STK32B: variants seen among roughly 807,000 people sequenced by gnomAD.
STK32B encodes the protein serine/threonine-protein kinase 32B.
Under a neutral mutation model 52.6 loss-of-function variants are expected in STK32B, and 43 were observed. That is an observed-to-expected ratio of 0.82 (90% confidence interval 0.64 to 1.05). STK32B has a LOEUF of 1.05. Among genes scored for constraint, STK32B ranks in the 50% least tolerant of loss-of-function variants. STK32B has a pLI of 0.00. For synonymous variants in STK32B, 238 were observed against 204.3 expected (o/e 1.17, Z -1.41); for missense variants, 621 against 534.6 (o/e 1.16, Z -1.59).
At chr4:5,383,613 T>C (rs117138848) in intron 4 of STK32B, among the ~76,000 whole-genome samples, 1,649 of 152,250 alleles carry the variant, frequency 0.011, 30 homozygotes, top group East Asian at 0.083. Flanking sequence ...TACCCAGCCC[T>C]GCCACAGAGG....
intron 1 of STK32B, among the ~76,000 whole-genome samples, chr4:5,096,063 T>G (rs1713371716): frequency 6.6e-6 from 1 of 152,218 alleles, no homozygotes; most frequent in Non-Finnish European, 1.5e-5. Flanking sequence ...GTATTTTCTA[T>G]TAGAGAAATA....
At chr4:5,034,039 T>G in the STK32B span, among the ~76,000 whole-genome samples, 1 of 152,166 alleles carries the variant, frequency 6.6e-6, no homozygotes, top group African/African-American at 2.4e-5. Context: ...TAACGGACAC[T>G]TTACAAAAGA....
chr4:5,166,833 G>C (rs969092061), intron 2 of STK32B, among the ~76,000 whole-genome samples: 3 of 152,114 alleles, frequency 2.0e-5, no homozygotes, highest in Non-Finnish European at 4.4e-5. Context: ...GGGAAGATTA[G>C]CCCATACAAT....
At chr4:5,193,137 G>A (rs969630653) in intron 3 of STK32B, among the ~76,000 whole-genome samples, 3 of 152,100 alleles carry the variant, frequency 2.0e-5, no homozygotes, top group African/African-American at 7.2e-5. Context: ...GGGTGACGAG[G>A]TGATAGCTCC....
the STK32B span, among the ~76,000 whole-genome samples, chr4:5,043,299 T>C: frequency 6.6e-6 from 1 of 152,202 alleles, no homozygotes; most frequent in Non-Finnish European, 1.5e-5. Flanking sequence ...GGAAAATTTC[T>C]TTCTGTGGAT....
intron 3 of STK32B, among the ~76,000 whole-genome samples, chr4:5,184,917 G>A (rs1483016616): frequency 6.6e-6 from 1 of 152,212 alleles, no homozygotes; most frequent in African/African-American, 2.4e-5. Context: ...GTCAAGAGAA[G>A]CACAGGAAAA....
At chr4:5,438,213 C>T (rs1160111634) in intron 6 of STK32B, 2 of 842,944 alleles carry the variant, frequency 2.4e-6, no homozygotes, top group African/African-American at 1.8e-5. Flanking sequence ...AGAAGAGGAA[C>T]AGGCACACAC....
Position 5,051,721 on chromosome 4 carries a change from G to C in STK32B, c.-143G>C, listed in dbSNP as rs1465770339. On this transcript the variant is annotated 5_prime_UTR_variant, in exon 1 of 12. Coordinates refer to ENST00000282908, the MANE Select transcript of STK32B (RefSeq NM_018401.3). ...GGGGACGCCGTCCCCGCCCCTGCACGGTGCTCGGCCCCCTCGGGCTCCGCG... is the reference window on the plus strand; with the variant it reads ...GGGGACGCCGTCCCCGCCCCTGCACCGTGCTCGGCCCCCTCGGGCTCCGCG... 6.5e-6 allele frequency: 7 copies of C among 1,078,108 alleles called. No homozygotes were observed. Among genetic ancestry groups the C allele is most frequent in the Non-Finnish European group, 9.2e-6 (7 of 761,116 alleles). 66.8% of individuals were successfully genotyped at this position (1,078,108 alleles called of 1,614,324 possible).
intron 3 of STK32B, among the ~76,000 whole-genome samples, chr4:5,245,374 T>C (rs1484150782): frequency 1.3e-5 from 2 of 152,198 alleles, no homozygotes; most frequent in African/African-American, 4.8e-5. Context: ...GTTTAAAGTC[T>C]GTTTTATCAG....
intron 3 of STK32B, among the ~76,000 whole-genome samples, chr4:5,175,064 C>T (rs1158939673): frequency 2.0e-5 from 3 of 152,196 alleles, no homozygotes; most frequent in African/African-American, 7.2e-5. Context: ...TCTTCCATCG[C>T]TGATACCCTT....
chr4:5,205,455 G>T (rs1722490978), intron 3 of STK32B, among the ~76,000 whole-genome samples: 1 of 152,152 alleles, frequency 6.6e-6, no homozygotes, highest in Non-Finnish European at 1.5e-5. Flanking sequence ...ACAAGGCAAG[G>T]TCCAGGGCAC....
At chr4:5,365,288 A>T (rs1274038488) in intron 4 of STK32B, among the ~76,000 whole-genome samples, 3 of 152,152 alleles carry the variant, frequency 2.0e-5, no homozygotes, top group African/African-American at 7.2e-5. Flanking sequence ...GAAAAGATTT[A>T]TTTACGTATC....
Position 5,467,986 on chromosome 4 carries a change from C to T in STK32B, c.1042-20C>T. The T allele has an allele frequency of 6.2e-7, 1 of 1,614,020 alleles. No individual in the cohort carries two copies. Among genetic ancestry groups the T allele is most frequent in the African/African-American group, 1.3e-5 (1 of 75,040 alleles). On this transcript the variant is annotated intron_variant, in intron 10 of 11. Transcript: ENST00000282908. The surrounding 1 kb of genome is among the most constrained non-coding windows in gnomAD (Gnocchi z 5.8). Reference sequence around the variant, plus strand: ...GGACCGTGCTTTGTCATTTAGTCACCCCTCTGTGCTCTTTGACAGAATGGA... The same window carrying T: ...GGACCGTGCTTTGTCATTTAGTCACTCCTCTGTGCTCTTTGACAGAATGGA...
chr4:5,039,875 G>A, the STK32B span, among the ~76,000 whole-genome samples: 4 of 152,196 alleles, frequency 2.6e-5, no homozygotes, highest in African/African-American at 7.2e-5. Context: ...TGCTGCACAC[G>A]ACTGTTAAGT....
chr4:5,454,424 A>G (rs936597940), intron 7 of STK32B, among the ~76,000 whole-genome samples: 2 of 151,982 alleles, frequency 1.3e-5, no homozygotes, highest in African/African-American at 4.8e-5. Context: ...TCTTGTTCAC[A>G]TCGTCTTTCC....
chr4:5,390,955 C>A (rs1235159176), intron 4 of STK32B, among the ~76,000 whole-genome samples: 1 of 145,520 alleles, frequency 6.9e-6, no homozygotes, highest in African/African-American at 2.6e-5. Flanking sequence ...ACCTGTGTCT[C>A]TTTTCTATCT....
rs577720492 is a variant in STK32B, at chr4:5,139,333, G to A, written c.53-572G>A. On this transcript the variant is annotated intron_variant, in intron 1 of 11. Transcript: ENST00000282908. ...AACCTCCATGAGGACCTGAGGGCAGGCATTGACACATACAGCCAAGGCTAG... is the reference window on the plus strand; with the variant it reads ...AACCTCCATGAGGACCTGAGGGCAGACATTGACACATACAGCCAAGGCTAG... 6.6e-5 allele frequency among the ~76,000 whole-genome samples: 10 copies of A among 152,288 alleles called. No individual in the cohort carries two copies. In the East Asian group the frequency reaches 1.9e-3, roughly 29 times the overall value.
intron 11 of STK32B, among the ~76,000 whole-genome samples, chr4:5,496,548 C>CCTGCTTCTGCTCGCGCATGGTGCG (rs61698429): frequency 2.2e-4 from 30 of 137,966 alleles, no homozygotes; most frequent in African/African-American, 9.2e-4. Context: ...AATGCCTTGC[C>CCTGCTTCTGCTCGCGCATGGTGCG]CTGCACCCAC....
intron 3 of STK32B, among the ~76,000 whole-genome samples, chr4:5,321,542 C>T (rs570780487): frequency 2.6e-4 from 40 of 152,286 alleles, no homozygotes; most frequent in African/African-American, 8.7e-4. Context: ...TGTCTGTCCC[C>T]GTGAACAGTA....
Sources: allele counts gnomAD v4.1 joint callset (sites outside exome capture counted in the v4.1 genomes callset), GRCh38; gene constraint gnomAD v4.1.1; non-coding constraint Gnocchi (gnomAD v3.1); transcripts MANE v1.5; gene names NCBI Gene and HGNC (gene_info 2026-07-23, HGNC 2026-07-21).